The following ZNF133 variants were observed in gnomAD, a reference collection of about 807,000 sequenced individuals.
ZNF133 encodes zinc finger protein 133 (clone pHZ-13).
Under a neutral mutation model 54.9 loss-of-function variants are expected in ZNF133, and 26 were observed. The observed-to-expected ratio is 0.47, with a 90% CI of 0.35 to 0.66. ZNF133 has a LOEUF of 0.66. Among genes scored for constraint, ZNF133 ranks in the 30% least tolerant of loss-of-function variants. The pLI, the probability that ZNF133 is intolerant of heterozygous loss-of-function variation, is 0.01. For missense variants in ZNF133, 653 were observed against 820.8 expected, an observed-to-expected ratio of 0.80 and a Z score of 2.50; for synonymous variants, 298 against 320.3, an observed-to-expected ratio of 0.93 and a Z score of 0.74.
chr20:18,316,885 C>A lies in ZNF133; in HGVS notation c.*69C>A. The A allele has an allele frequency of 6.7e-7, 1 of 1,498,844 alleles. No individual in the cohort carries two copies. 92.8% of individuals were successfully genotyped at this position (1,498,844 alleles called of 1,614,324 possible). ...TTTGATGAAATGGAGTAGAGAAATG[C>A]ATTCTGTAAGTGGTCAAAGGACATT... On this transcript the variant is annotated 3_prime_UTR_variant, in exon 7 of 7. Coordinates refer to ENST00000425686, the MANE Select transcript of ZNF133 (RefSeq NM_001352452.2).
intron 6 of ZNF133, chr20:18,310,039 GT>G (rs935566792): frequency 8.9e-6 from 8 of 901,036 alleles, no homozygotes; most frequent in Non-Finnish European, 1.2e-5. Flanking sequence ...ACACAAATAT[GT>G]GTTTTCTCAA....
At chr20:18,289,149 G>A (rs1248961059) in intron 1 of ZNF133, among the ~76,000 whole-genome samples, 2 of 152,118 alleles carry the variant, frequency 1.3e-5, no homozygotes, top group Non-Finnish European at 2.9e-5. Context: ...ACAAGCCAAG[G>A]TTAGACTGGA....
Position 18,315,255 on chromosome 20 carries a change from A to AG in ZNF133, c.408dup (p.Arg137GlufsTer5). On this transcript the variant is annotated frameshift_variant, in exon 7 of 7. Coordinates refer to ENST00000425686, the MANE Select transcript of ZNF133 (RefSeq NM_001352452.2). LOFTEE classifies it high-confidence loss of function. The stretch of plus-strand genomic sequence containing the variant: ...CAGGAGAAGCAGCAACAAGCCTCTG[A>AG]GGGGAGACCCTGGAGTGATCAAGCA... 1 of 1,614,000 alleles carries AG rather than the reference A, an allele frequency of 6.2e-7. No homozygotes were observed. Among genetic ancestry groups the AG allele is most frequent in the Non-Finnish European group, 8.5e-7 (1 of 1,179,982 alleles).
intron 3 of ZNF133, among the ~76,000 whole-genome samples, chr20:18,303,645 A>T (rs2043914168): frequency 6.6e-6 from 1 of 152,168 alleles, no homozygotes; most frequent in Non-Finnish European, 1.5e-5. Context: ...ACCCTTGCAT[A>T]TATGGTCAAA....
In ZNF133 at chr20:18,316,907, C is replaced by T; in HGVS notation, c.*91C>T. The T allele has an allele frequency of 7.0e-7, 1 of 1,422,528 alleles. No individual in the cohort carries two copies. Among genetic ancestry groups the T allele is most frequent in the Non-Finnish European group, 9.4e-7 (1 of 1,065,896 alleles). The allele number at this position is 1,422,528 out of a possible 1,614,324, so 88.1% of individuals were successfully genotyped here. On this transcript the variant is annotated 3_prime_UTR_variant, in exon 7 of 7. Transcript: ENST00000425686. ...ATGCATTCTGTAAGTGGTCAAAGGACATTTGACTGTTTACTTTCTCCACAC... is the reference window on the plus strand; with the variant it reads ...ATGCATTCTGTAAGTGGTCAAAGGATATTTGACTGTTTACTTTCTCCACAC...
chr20:18,304,968 A>G (rs1269194080), intron 3 of ZNF133, 40 bp from the exon 4 acceptor site: 3 of 983,288 alleles, frequency 3.1e-6, no homozygotes, highest in Middle Eastern at 5.2e-4. Context: ...CCAAGTTGCC[A>G]TGCCCTGTCT....
Position 18,313,198 on chromosome 20 carries a change from A to C in ZNF133, c.218-1871A>C, listed in dbSNP as rs138899816. On this transcript the variant is annotated intron_variant, in intron 6 of 6. Coordinates refer to ENST00000425686, the MANE Select transcript of ZNF133 (RefSeq NM_001352452.2). Reference sequence around the variant, plus strand: ...GACTAAATATTCCTAGTGTATACACAGAATGCCAAATTTGGTGACCAACTG... The same window carrying C: ...GACTAAATATTCCTAGTGTATACACCGAATGCCAAATTTGGTGACCAACTG... 32 of 152,362 alleles carry C rather than the reference A, an allele frequency of 2.1e-4. No individual in the cohort carries two copies. In the East Asian group the frequency reaches 6.0e-3, roughly 28 times the overall value. 9.4% of individuals were successfully genotyped at this position (152,362 alleles called of 1,614,324 possible).
chr20:18,313,320 T>C (rs961874032), intron 6 of ZNF133: 1 of 152,250 alleles, frequency 6.6e-6, no homozygotes, highest in African/African-American at 2.4e-5. Flanking sequence ...CTGAAGGCGC[T>C]TCTATAATTC....
chr20:18,299,498 CAA>C (rs2042914579), intron 3 of ZNF133, among the ~76,000 whole-genome samples: 1 of 151,654 alleles, frequency 6.6e-6, no homozygotes, highest in African/African-American at 2.4e-5. Flanking sequence ...CAGGAGAAGA[CAA>C]AAAAGGGACA....
Position 18,316,937 on chromosome 20 carries a change from T to C in ZNF133, c.*121T>C. The C allele has an allele frequency of 7.9e-7, 1 of 1,258,772 alleles. No homozygotes were observed. The highest frequency in any genetic ancestry group is 2.8e-5 in the Admixed American group (1 of 35,662). The allele number at this position is 1,258,772 out of a possible 1,614,324, so 78.0% of individuals were successfully genotyped here. A position where few individuals can be genotyped will look rare whatever the true frequency, so the allele number is the denominator to read the frequency against. ...GACTGTTTACTTTCTCCACACTAAGTCTTCTCCATGTTTTGTGGCCTTCGG... is the reference window on the plus strand; with the variant it reads ...GACTGTTTACTTTCTCCACACTAAGCCTTCTCCATGTTTTGTGGCCTTCGG... On this transcript the variant is annotated 3_prime_UTR_variant, in exon 7 of 7. Transcript: ENST00000425686.
rs772353599 is a variant in ZNF133, at chr20:18,306,371, A to T, written c.195A>T (p.Lys65Asn). 5 of 1,613,684 alleles carry T rather than the reference A, an allele frequency of 3.1e-6. No homozygotes were observed. In the South Asian group the frequency reaches 5.5e-5, roughly 18 times the overall value. Residue 65 changes from lysine to asparagine, a missense_variant, in exon 6 of 7, where the codon AAA (lysine) becomes AAT (asparagine). This residue lies in a region of ZNF133 where 227 missense variants were observed against 233.9 expected (regional missense o/e 0.97). Transcript: ENST00000425686. Reference sequence around the variant, plus strand: ...AAGAGACCTGGAGAGAGGAAAAAAAATGTTCACCGGCAACCTGTCCAGGTG... The same window carrying T: ...AAGAGACCTGGAGAGAGGAAAAAAATTGTTCACCGGCAACCTGTCCAGGTG... ...QGKETWREEK[K>N]CSPATCPADP...
chr20:18,298,230 G>A, intron 2 of ZNF133, 59 bp from the exon 3 acceptor site: 2 of 1,473,702 alleles, frequency 1.4e-6, no homozygotes, highest in Non-Finnish European at 1.8e-6. Flanking sequence ...TATTCACCTA[G>A]TAAACTGAAC....
At position 18,299,259 on chromosome 20, in the gene ZNF133, A is replaced by G. The variant is rs142025713; in HGVS notation, c.-178+795A>G. On this transcript the variant is annotated intron_variant, in intron 3 of 6. Transcript: ENST00000425686. ...AAATATCAATAAACAGACAGAAAACATAAAAATAAACCAAAAATAAATTTT... is the reference window on the plus strand; with the variant it reads ...AAATATCAATAAACAGACAGAAAACGTAAAAATAAACCAAAAATAAATTTT... 3.1e-3 allele frequency among the ~76,000 whole-genome samples: 470 copies of G among 152,376 alleles called. 1 individual carries two copies. Among genetic ancestry groups the G allele is most frequent in the Non-Finnish European group, 5.4e-3 (370 of 68,038 alleles).
Position 18,316,709 on chromosome 20 carries a change from C to T in ZNF133, c.1858C>T (p.His620Tyr). 3 of 1,614,232 alleles carry T rather than the reference C, an allele frequency of 1.9e-6. No individual in the cohort carries two copies. The highest frequency in any genetic ancestry group is 1.1e-5 in the South Asian group (1 of 91,088). The part of the protein sequence containing the change: ...TCGRGFSLKS[H>Y]LSRHRKTTSV... ...TGGGCGGGGCTTCAGCCTCAAGTCT[C>T]ACCTCAGCAGACACAGGAAGACCAC... Residue 620 changes from histidine to tyrosine, a missense_variant, in exon 7 of 7, where the codon CAC becomes TAC. His to Tyr is a moderately conservative substitution (Grantham distance 83). Transcript: ENST00000425686.
chr20:18,290,566 T>C (rs1399552486), intron 1 of ZNF133, among the ~76,000 whole-genome samples: 2 of 152,174 alleles, frequency 1.3e-5, no homozygotes, highest in Non-Finnish European at 2.9e-5. Flanking sequence ...TAATAACTTA[T>C]TAATATCATT....
chr20:18,303,796 A>G (rs2043960371), intron 3 of ZNF133, among the ~76,000 whole-genome samples: 1 of 152,338 alleles, frequency 6.6e-6, no homozygotes, highest in East Asian at 1.9e-4. Flanking sequence ...TTAACTGAAA[A>G]TGGATCGAAG....
rs1007435015 is a variant in ZNF133 at position 18,310,035 on chromosome 20, A to G, written c.217+3642A>G. ...CCCTGACCTTTGTACATTTACACAA[A>G]TATGTGTTTTCTCAACCTGAAAAGT... On this transcript the variant is annotated intron_variant, in intron 6 of 6. Coordinates refer to ENST00000425686, the MANE Select transcript of ZNF133 (RefSeq NM_001352452.2). 34 of 881,420 alleles carry G rather than the reference A, an allele frequency of 3.9e-5. No homozygotes were observed. In the Middle Eastern group the frequency reaches 3.0e-3, roughly 77 times the overall value. 54.6% of individuals were successfully genotyped at this position (881,420 alleles called of 1,614,324 possible).
At position 18,305,604 on chromosome 20, in the gene ZNF133, C is replaced by T; in HGVS notation, c.-6-77C>T. The T allele has an allele frequency of 1.9e-6, 3 of 1,605,438 alleles. No individual in the cohort carries two copies. In the East Asian group the frequency reaches 6.7e-5, roughly 36 times the overall value. On this transcript the variant is annotated intron_variant, in intron 4 of 6. Coordinates refer to ENST00000425686, the MANE Select transcript of ZNF133 (RefSeq NM_001352452.2). The surrounding 1 kb of genome is among the most constrained non-coding windows in gnomAD (Gnocchi z 4.7). Reference sequence around the variant, plus strand: ...GATATCTCACCTGCCTCCCCCAGGGCAGCCTTATCCCTGCCCCTCACCCTG... The same window carrying T: ...GATATCTCACCTGCCTCCCCCAGGGTAGCCTTATCCCTGCCCCTCACCCTG...
intron 6 of ZNF133, among the ~76,000 whole-genome samples, chr20:18,310,872 A>AT (rs1421634486): frequency 6.6e-6 from 1 of 152,238 alleles, no homozygotes; most frequent in African/African-American, 2.4e-5. Context: ...GAATATATAC[A>AT]TTTTTTGTCA....
Sources: allele counts gnomAD v4.1 joint callset (sites outside exome capture counted in the v4.1 genomes callset), GRCh38; gene constraint gnomAD v4.1.1; regional missense constraint gnomAD v4.1.1; non-coding constraint Gnocchi (gnomAD v3.1); transcripts MANE v1.5; gene names NCBI Gene and HGNC (gene_info 2026-07-23, HGNC 2026-07-21).